The following BNIP5 variants were observed in gnomAD, a reference collection of about 807,000 sequenced individuals.
BNIP5 encodes the protein protein BNIP5.
A neutral mutation model predicts 67.3 loss-of-function variants in BNIP5; 61 were observed. The ratio of observed to expected loss-of-function variants is 0.91; its 90% CI spans 0.74 to 1.12. The LOEUF (loss-of-function observed/expected upper bound fraction) is 1.12, where lower values mean the gene tolerates loss of function less well. Ranked by LOEUF, BNIP5 falls within the 50% of genes most tolerant of loss-of-function variation. The probability of loss-of-function intolerance (pLI) is 0.00; values close to 1 mark genes in which losing one functional copy is unlikely to be tolerated. For missense variants in BNIP5, 826 were observed against 816.3 expected (o/e 1.01, Z -0.14); for synonymous variants, 317 against 319.0 (o/e 0.99, Z 0.07).
At chr6:36,318,268 C>T (rs931893458) in intron 11 of BNIP5, among the ~76,000 whole-genome samples, 4 of 152,232 alleles carry the variant, frequency 2.6e-5, no homozygotes, top group African/African-American at 9.7e-5. Context: ...CAGAACATTT[C>T]ATTCCTCTAA....
In BNIP5 at chr6:36,335,555, A is replaced by G. The variant is rs940072559; in HGVS notation, c.-5+1157T>C. 1.4e-4 allele frequency among the ~76,000 whole-genome samples: 21 copies of G among 152,244 alleles called. 1 individual carries two copies. The highest frequency in any genetic ancestry group is 2.9e-5 in the Non-Finnish European group (2 of 68,048). On this transcript the variant is annotated intron_variant, in intron 1 of 11. Transcript: ENST00000437635. ...ACCGCTTGCCATCGGTCCTAACTCT[A>G]AATTCCATGAGAGGGGACCTGAGCC...
chr6:36,326,853 G>A lies in BNIP5; in HGVS notation c.793-100C>T, dbSNP rs1172641424. 6.5e-6 allele frequency: 10 copies of A among 1,537,830 alleles called. No individual in the cohort carries two copies. The Admixed American group carries it at 1.2e-4, about 19-fold the overall frequency. ...AGCAGCCAAGCTGCAAGATGGCCCC[G>A]AGAGAGGGGAGGCAGCAGAGCCCAG... On this transcript the variant is annotated intron_variant, in intron 4 of 11. Coordinates refer to ENST00000437635, the MANE Select transcript of BNIP5 (RefSeq NM_001010903.5).
intron 1 of BNIP5, 97 bp from the exon 2 acceptor site, chr6:36,330,791 C>T (rs1213426869): frequency 6.9e-7 from 1 of 1,442,156 alleles, no homozygotes; most frequent in Non-Finnish European, 9.1e-7. Context: ...TATGACGGAG[C>T]CTCGGTCTAT....
chr6:36,324,200 A>T lies in BNIP5; in HGVS notation c.1169-10T>A. On this transcript the variant is annotated splice_polypyrimidine_tract_variant and intron_variant, in intron 6 of 11. Coordinates refer to ENST00000437635, the MANE Select transcript of BNIP5 (RefSeq NM_001010903.5). Reference sequence around the variant, plus strand: ...TTCTGAATGAATTCTTCTGAAAAAGATCAACACGCATGGTTAACTTTGGTG... The same window carrying T: ...TTCTGAATGAATTCTTCTGAAAAAGTTCAACACGCATGGTTAACTTTGGTG... 1 of 1,611,510 alleles carries T rather than the reference A, an allele frequency of 6.2e-7. No homozygotes were observed. The highest frequency in any genetic ancestry group is 8.5e-7 in the Non-Finnish European group (1 of 1,177,788).
At chr6:36,319,214 G>A in intron 11 of BNIP5, 142 bp downstream of exon 11, 1 of 843,982 alleles carries the variant, frequency 1.2e-6, no homozygotes, top group South Asian at 1.7e-5. Flanking sequence ...GCCTCAGTGA[G>A]GAGGTGACAT....
intron 10 of BNIP5, among the ~76,000 whole-genome samples, chr6:36,320,848 C>CG (rs1334016513): frequency 6.6e-6 from 1 of 152,090 alleles, no homozygotes. Context: ...CTTCCAAGGA[C>CG]GGGGGACATG....
intron 3 of BNIP5, 42 bp downstream of exon 3, chr6:36,328,556 C>T (rs756895966): frequency 7.3e-6 from 9 of 1,232,376 alleles, no homozygotes; most frequent in Non-Finnish European, 9.6e-6. Context: ...GTAACAGCCA[C>T]CTCAGCCACA....
In BNIP5 at chr6:36,330,434, G is replaced by A; in HGVS notation, c.257C>T (p.Pro86Leu). 1.2e-6 allele frequency: 2 copies of A among 1,614,160 alleles called. No homozygotes were observed. The highest frequency in any genetic ancestry group is 1.7e-6 in the Non-Finnish European group (2 of 1,180,040). ...PTPEETGDFL[P>L]SEQRPSQDTK... ...GTCTTGCGAAGGCCTCTGCTCGCTG[G>A]GGAGAAAATCTCCGGTCTCCTCGGG... Residue 86 changes from proline to leucine, a missense_variant, in exon 2 of 12, where the codon CCC becomes CTC. Pro to Leu is a moderately conservative substitution (Grantham distance 98). Coordinates refer to ENST00000437635, the MANE Select transcript of BNIP5 (RefSeq NM_001010903.5).
At chr6:36,320,539 G>A (rs77445314) in intron 10 of BNIP5, among the ~76,000 whole-genome samples, 134 of 152,326 alleles carry the variant, frequency 8.8e-4, no homozygotes, top group African/African-American at 3.0e-3. Flanking sequence ...ATGGGCCAGC[G>A]TGCACTCTGG....
At chr6:36,319,896 CA>C (rs1771598881) in intron 10 of BNIP5, among the ~76,000 whole-genome samples, 1 of 152,188 alleles carries the variant, frequency 6.6e-6, no homozygotes. Flanking sequence ...CTAGCCATTC[CA>C]TATTTGACAA....
intron 7 of BNIP5, among the ~76,000 whole-genome samples, chr6:36,323,914 C>T (rs1232459859): frequency 1.3e-5 from 2 of 151,318 alleles, no homozygotes; most frequent in Non-Finnish European, 2.9e-5. Flanking sequence ...GCAGGAGAAT[C>T]GCTGGAGCCC....
chr6:36,335,945 G>A (rs553901291), intron 1 of BNIP5, among the ~76,000 whole-genome samples: 123 of 152,310 alleles, frequency 8.1e-4, no homozygotes, highest in Non-Finnish European at 1.5e-3. Context: ...ACTGATGGAG[G>A]TAATCACAGT....
At chr6:36,326,437 T>C in intron 5 of BNIP5, 73 bp downstream of exon 5, 1 of 1,587,110 alleles carries the variant, frequency 6.3e-7, no homozygotes, top group East Asian at 2.2e-5. Flanking sequence ...AAATGGTCAA[T>C]TCCATCCCCA....
chr6:36,326,689 G>A lies in BNIP5; in HGVS notation c.857C>T (p.Ser286Phe), dbSNP rs1276241307. The change falls in exon 5 of 12, where the codon TCC becomes TTC. Residue 286 changes from serine to phenylalanine, a missense_variant. Coordinates refer to ENST00000437635, the MANE Select transcript of BNIP5 (RefSeq NM_001010903.5). ...CTTGAGGCTTGTCTTTTTCTCTTGG[G>A]ATTTCTTCCTAACAGCTGGTGCTGG... Reference protein sequence around the residue: ...PNPAPAVRKKSQEKKTSLKRT... With the variant: ...PNPAPAVRKKFQEKKTSLKRT... The A allele has an allele frequency of 1.9e-6, 3 of 1,614,124 alleles. No homozygotes were observed. The highest frequency in any genetic ancestry group is 3.3e-5 in the Admixed American group (2 of 60,006).
rs1771770864 is a variant in BNIP5, at chr6:36,326,719, G to C, written c.827C>G (p.Pro276Arg). 6 of 1,614,084 alleles carry C rather than the reference G, an allele frequency of 3.7e-6. No individual in the cohort carries two copies. Among genetic ancestry groups the C allele is most frequent in the Non-Finnish European group, 5.1e-6 (6 of 1,180,050 alleles). ...SLASQLGVAL[P>R]NPAPAVRKKS... ...CTTCCTAACAGCTGGTGCTGGGTTT[G>C]GCAGGGCCACCCCCAGCTGTGAGGC... Residue 276 changes from proline (P) to arginine (R), a missense_variant, in exon 5 of 12, where the codon CCA becomes CGA. Coordinates refer to ENST00000437635, the MANE Select transcript of BNIP5 (RefSeq NM_001010903.5).
At chr6:36,335,417 G>C (rs1326833336) in intron 1 of BNIP5, among the ~76,000 whole-genome samples, 1 of 152,158 alleles carries the variant, frequency 6.6e-6, no homozygotes, top group Non-Finnish European at 1.5e-5. Flanking sequence ...CAACACCACA[G>C]ACATCCACGT....
intron 10 of BNIP5, among the ~76,000 whole-genome samples, chr6:36,320,516 T>A (rs1481593872): frequency 1.3e-5 from 2 of 152,206 alleles, no homozygotes; most frequent in African/African-American, 4.8e-5. Flanking sequence ...AGGAGGCAGG[T>A]GCTGGCAGCT....
At chr6:36,324,334 C>A (rs375976961) in intron 6 of BNIP5, 144 bp from the exon 7 acceptor site, 6 of 717,282 alleles carry the variant, frequency 8.4e-6, no homozygotes, top group Non-Finnish European at 1.5e-5. Flanking sequence ...GAGGGCAGAG[C>A]TGGTTTCATG....
In BNIP5 at chr6:36,316,200, T is replaced by A. The variant is rs1753549415; in HGVS notation, c.*1156A>T. ...TACCATGTCCCCAAGGGTCACAAGA[T>A]CTCACTTGCCATCCAGGTTTAACAC... On this transcript the variant is annotated 3_prime_UTR_variant, in exon 12 of 12. Coordinates refer to ENST00000437635, the MANE Select transcript of BNIP5 (RefSeq NM_001010903.5). The A allele has an allele frequency of 3.8e-6, 1 of 261,734 alleles. No individual in the cohort carries two copies. The highest frequency in any genetic ancestry group is 7.2e-6 in the Non-Finnish European group (1 of 139,380). The allele number at this position is 261,734 out of a possible 1,614,324, so 16.2% of individuals were successfully genotyped here.
Sources: gnomAD v4.1 joint callset for allele counts (sites outside exome capture counted in the v4.1 genomes callset) on GRCh38, gnomAD v4.1.1 for gene constraint, MANE v1.5 for transcripts, NCBI Gene and HGNC (gene_info 2026-07-23, HGNC 2026-07-21) for gene names.